The following RPH3A variants were observed in gnomAD, a reference collection of about 807,000 sequenced individuals.
RPH3A encodes rabphilin-3A.
RPH3A carries 48 observed loss-of-function variants against 102.2 expected under a neutral mutation model. The ratio of observed to expected loss-of-function variants is 0.47; its 90% CI spans 0.37 to 0.60. The LOEUF is 0.60. Among genes scored for constraint, RPH3A ranks in the 20% least tolerant of loss-of-function variants. The pLI, the probability that RPH3A is intolerant of heterozygous loss-of-function variation, is 0.00. For missense variants in RPH3A, 781 were observed against 910.1 expected (o/e 0.86, Z 1.83); for synonymous variants, 310 against 324.3 (o/e 0.96, Z 0.47).
At chr12:112,842,683 C>T (rs554504793) in intron 4 of RPH3A, among the ~76,000 whole-genome samples, 18 of 152,324 alleles carry the variant, frequency 1.2e-4, no homozygotes, top group African/African-American at 2.4e-4. Flanking sequence ...GGCCGTCTCA[C>T]GAAATGTGGA....
intron 3 of RPH3A, among the ~76,000 whole-genome samples, chr12:112,833,973 C>T (rs910761729): frequency 6.6e-6 from 1 of 152,130 alleles, no homozygotes; most frequent in Non-Finnish European, 1.5e-5. Flanking sequence ...AGTGATCCTC[C>T]AGCCCTGGCC....
chr12:112,576,179 A>C (rs986201639), intron 1 of RPH3A, among the ~76,000 whole-genome samples: 1 of 152,222 alleles, frequency 6.6e-6, no homozygotes, highest in Non-Finnish European at 1.5e-5. Flanking sequence ...ATGAGTAGCA[A>C]GTGTCAAGTC....
chr12:112,812,681 C>A (rs550017542), intron 2 of RPH3A, among the ~76,000 whole-genome samples: 23 of 152,286 alleles, frequency 1.5e-4, no homozygotes, highest in Admixed American at 1.2e-3. Context: ...CTCTCTCTCT[C>A]TCTCTCTTCC....
chr12:112,850,016 G>A (rs2042296660), intron 5 of RPH3A, among the ~76,000 whole-genome samples: 1 of 152,172 alleles, frequency 6.6e-6, no homozygotes, highest in African/African-American at 2.4e-5. Flanking sequence ...TGAGGTCCCT[G>A]TTTTACCTTC....
intron 1 of RPH3A, among the ~76,000 whole-genome samples, chr12:112,608,043 A>C (rs1413425087): frequency 6.6e-6 from 1 of 151,916 alleles, no homozygotes; most frequent in Non-Finnish European, 1.5e-5. Flanking sequence ...AGGGACTTTA[A>C]AATTTTCCTC....
intron 2 of RPH3A, among the ~76,000 whole-genome samples, chr12:112,819,811 C>T (rs1255326629): frequency 6.6e-6 from 1 of 152,202 alleles, no homozygotes; most frequent in African/African-American, 2.4e-5. Flanking sequence ...TGCTCATTCT[C>T]CAGCAGGCTA....
intron 1 of RPH3A, among the ~76,000 whole-genome samples, chr12:112,730,853 T>A (rs1309132567): frequency 6.6e-6 from 1 of 152,172 alleles, no homozygotes; most frequent in Non-Finnish European, 1.5e-5. Context: ...GCAAAGAACA[T>A]CCCAGGAAAT....
chr12:112,816,562 G>A (rs12581068), intron 2 of RPH3A, among the ~76,000 whole-genome samples: 4 of 152,062 alleles, frequency 2.6e-5, no homozygotes, highest in Non-Finnish European at 4.4e-5. Context: ...ACTTGGAAAC[G>A]TTCTTTGGTC....
chr12:112,707,294 C>A lies in RPH3A; in HGVS notation c.-139-84849C>A, dbSNP rs529534526. On this transcript the variant is annotated intron_variant, in intron 1 of 21. Transcript: ENST00000543106. The stretch of plus-strand genomic sequence containing the variant: ...CAAACTGCTTTATCTTCCTCCTGTC[C>A]CTTCTCCTCCTCGACCATCACCATC... 3.3e-5 allele frequency among the ~76,000 whole-genome samples: 5 copies of A among 152,258 alleles called. No individual in the cohort carries two copies. In the East Asian group the frequency reaches 9.6e-4, roughly 29 times the overall value.
At chr12:112,696,147 T>C (rs2040350318) in intron 1 of RPH3A, among the ~76,000 whole-genome samples, 1 of 152,238 alleles carries the variant, frequency 6.6e-6, no homozygotes, top group South Asian at 2.1e-4. Flanking sequence ...CCATCCAAGT[T>C]GCAGCACAAG....
At chr12:112,713,177 A>T (rs59331402) in intron 1 of RPH3A, among the ~76,000 whole-genome samples, 56,996 of 148,802 alleles carry the variant, frequency 0.38, 11,352 homozygotes, top group South Asian at 0.56. Flanking sequence ...AGGGATCCTC[A>T]TGCCTTGGCC....
chr12:112,773,242 A>G (rs2040940230), intron 1 of RPH3A, among the ~76,000 whole-genome samples: 1 of 152,100 alleles, frequency 6.6e-6, no homozygotes, highest in Admixed American at 6.6e-5. Flanking sequence ...TTACACAGAA[A>G]TTTAAATGGG....
Position 112,773,067 on chromosome 12 carries a change from T to C in RPH3A, c.-139-19076T>C, listed in dbSNP as rs542651383. On this transcript the variant is annotated intron_variant, in intron 1 of 21. Transcript: ENST00000543106. ...GGTCACTGCAAATGCTGTTAATTCA[T>C]TCCTTTTTATGGCTGCATAGTATTC... Among the ~76,000 whole-genome samples, 5 of 152,192 alleles carry C rather than the reference T, an allele frequency of 3.3e-5. No individual in the cohort carries two copies. The South Asian group carries it at 1.0e-3, about 32-fold the overall frequency.
At chr12:112,875,538 A>G in intron 11 of RPH3A, 141 bp from the exon 12 acceptor site, 1 of 680,714 alleles carries the variant, frequency 1.5e-6, no homozygotes, top group Non-Finnish European at 2.6e-6. Flanking sequence ...CTCCTCTCCC[A>G]GTGGGACTGT....
At chr12:112,667,503 A>G (rs982187535) in intron 1 of RPH3A, among the ~76,000 whole-genome samples, 3 of 152,024 alleles carry the variant, frequency 2.0e-5, no homozygotes, top group Non-Finnish European at 4.4e-5. Flanking sequence ...CAGGGTCCCA[A>G]TGGGAAATAT....
intron 5 of RPH3A, among the ~76,000 whole-genome samples, chr12:112,864,234 C>A (rs2042569832): frequency 6.6e-6 from 1 of 152,106 alleles, no homozygotes. Flanking sequence ...AGGTGGATCA[C>A]AAGGTCAGGA....
chr12:112,616,154 T>C (rs1430214124), intron 1 of RPH3A, among the ~76,000 whole-genome samples: 1 of 152,142 alleles, frequency 6.6e-6, no homozygotes, highest in East Asian at 1.9e-4. Context: ...TTTTTTGTTT[T>C]TGTTATTTTT....
rs756126635 is a variant in RPH3A at position 112,847,727 on chromosome 12, G to T, written c.115G>T (p.Gly39Cys). ...LQAGWSVHPGGQPDRQRKQEE... is the reference protein window; with the variant it reads ...LQAGWSVHPGCQPDRQRKQEE... ...GGCAGGCTGGTCCGTCCACCCCGGTGGTCAGCCTGACAGGCAGAGGAAGCA... is the reference window on the plus strand; with the variant it reads ...GGCAGGCTGGTCCGTCCACCCCGGTTGTCAGCCTGACAGGCAGAGGAAGCA... Residue 39 changes from glycine to cysteine, a missense_variant, in exon 5 of 22, where the codon GGT becomes TGT. Physicochemically the swap from Gly to Cys is radical, Grantham distance 159. Coordinates refer to ENST00000389385, the MANE Select transcript of RPH3A (RefSeq NM_001143854.2). 8.1e-6 allele frequency: 13 copies of T among 1,614,026 alleles called. No individual in the cohort carries two copies. In the South Asian group the frequency reaches 1.4e-4, roughly 18 times the overall value.
chr12:112,688,215 C>G (rs1292354040), intron 1 of RPH3A, among the ~76,000 whole-genome samples: 1 of 152,174 alleles, frequency 6.6e-6, no homozygotes, highest in Non-Finnish European at 1.5e-5. Context: ...GAGGTCTATG[C>G]ACCATTAGTC....
Sources: gnomAD v4.1 joint callset for allele counts (sites outside exome capture counted in the v4.1 genomes callset) on GRCh38, gnomAD v4.1.1 for gene constraint, MANE v1.5 for transcripts, NCBI Gene and HGNC (gene_info 2026-07-23, HGNC 2026-07-21) for gene names.